SGCD: variants seen among roughly 807,000 people sequenced by gnomAD.
The protein encoded by SGCD is delta-sarcoglycan.
In SGCD, 18 loss-of-function variants were observed where a neutral mutation model predicts 36.6. The observed-to-expected ratio is 0.49, with a 90% CI of 0.34 to 0.73. The LOEUF is 0.73. Ranked by LOEUF, SGCD falls within the 30% of genes least tolerant of loss-of-function variation. SGCD has a pLI of 0.01. For synonymous variants in SGCD, 133 were observed against 130.6 expected (o/e 1.02, Z -0.12); for missense variants, 387 against 346.7 (o/e 1.12, Z -0.92).
At chr5:156,560,126 GT>G (rs1759209266) in intron 4 of SGCD, among the ~76,000 whole-genome samples, 1 of 152,110 alleles carries the variant, frequency 6.6e-6, no homozygotes, top group Non-Finnish European at 1.5e-5. Flanking sequence ...TGTCAGTTTT[GT>G]TTCATCACCT....
chr5:156,315,301 A>T (rs762775809), intron 3 of SGCD, among the ~76,000 whole-genome samples: 1 of 151,442 alleles, frequency 6.6e-6, no homozygotes, highest in Non-Finnish European at 1.5e-5. Flanking sequence ...AAGTAGAATC[A>T]TGCAGTATTT....
At chr5:155,975,339 T>A (rs1030909955) in intron 1 of SGCD, among the ~76,000 whole-genome samples, 1 of 152,054 alleles carries the variant, frequency 6.6e-6, no homozygotes, top group South Asian at 2.1e-4. Context: ...CCAGGAGACA[T>A]TTGGCAGTAT....
chr5:156,106,613 T>A (rs1284636353), intron 1 of SGCD, among the ~76,000 whole-genome samples: 2 of 152,200 alleles, frequency 1.3e-5, no homozygotes, highest in African/African-American at 4.8e-5. Context: ...AATACTGATA[T>A]GTAATTAACC....
intron 3 of SGCD, among the ~76,000 whole-genome samples, chr5:156,251,164 T>C (rs1227564326): frequency 6.6e-6 from 1 of 152,226 alleles, no homozygotes; most frequent in Non-Finnish European, 1.5e-5. Context: ...ACCACATTTC[T>C]TTTTTGTGTA....
chr5:156,723,662 G>A lies in SGCD; in HGVS notation c.576-33919G>A, dbSNP rs139710984. Among the ~76,000 whole-genome samples the A allele has an allele frequency of 6.4e-3, 970 of 152,314 alleles. 5 individuals carry two copies. The highest frequency in any genetic ancestry group is 0.011 in the Non-Finnish European group (766 of 68,028). On this transcript the variant is annotated intron_variant, in intron 7 of 8. Transcript: ENST00000337851. ...CCTGAGGGGGTGATGCTTGACTTGC[G>A]CTCTTGAGGATGAGCAGGAGAAGGA...
chr5:156,471,425 T>G (rs1055050297), intron 3 of SGCD, among the ~76,000 whole-genome samples: 16 of 152,268 alleles, frequency 1.1e-4, no homozygotes, highest in Non-Finnish European at 2.2e-4. Flanking sequence ...ATAGGTATGA[T>G]GTTGGCAAAA....
At chr5:156,046,019 T>C (rs1759756120) in intron 1 of SGCD, among the ~76,000 whole-genome samples, 1 of 152,184 alleles carries the variant, frequency 6.6e-6, no homozygotes. Context: ...CCAATCCATG[T>C]AATTGTTTAC....
At position 156,529,863 on chromosome 5, in the gene SGCD, G is replaced by A. The variant is rs577766222; in HGVS notation, c.294+21161G>A. ...AATGGCAGTGGCCTAAATTATGACT[G>A]TGGGACTTTGCATTTCCATGAATGA... On this transcript the variant is annotated intron_variant, in intron 4 of 8. Coordinates refer to ENST00000337851, the MANE Select transcript of SGCD (RefSeq NM_000337.6). Among the ~76,000 whole-genome samples the A allele has an allele frequency of 1.4e-4, 22 of 152,350 alleles. No individual in the cohort carries two copies. The South Asian group carries it at 3.5e-3, about 24-fold the overall frequency.
At position 156,750,584 on chromosome 5, in the gene SGCD, T is replaced by C. The variant is rs12109046; in HGVS notation, c.576-6997T>C. Among the ~76,000 whole-genome samples the C allele has an allele frequency of 1.7e-3, 255 of 150,766 alleles. 1 individual carries two copies. Among genetic ancestry groups the C allele is most frequent in the African/African-American group, 5.9e-3 (242 of 40,978 alleles). ...TCCCAGCTACTTGGGAGGCTGAGGC[T>C]GTAGTAAGCCAAGATTGCGCCACCG... On this transcript the variant is annotated intron_variant, in intron 7 of 8. Coordinates refer to ENST00000337851, the MANE Select transcript of SGCD (RefSeq NM_000337.6).
At chr5:156,075,283 A>G (rs1188300721) in intron 1 of SGCD, among the ~76,000 whole-genome samples, 2 of 152,230 alleles carry the variant, frequency 1.3e-5, no homozygotes, top group Non-Finnish European at 2.9e-5. Flanking sequence ...AAGGTGAAAT[A>G]CATAGCATAT....
At chr5:156,552,672 G>C (rs994888605) in intron 4 of SGCD, among the ~76,000 whole-genome samples, 3 of 152,092 alleles carry the variant, frequency 2.0e-5, no homozygotes, top group Non-Finnish European at 4.4e-5. Flanking sequence ...TGCAGTCATT[G>C]TAGGATACCA....
chr5:156,179,053 T>A (rs1305296663), intron 3 of SGCD, among the ~76,000 whole-genome samples: 1 of 152,206 alleles, frequency 6.6e-6, no homozygotes, highest in African/African-American at 2.4e-5. Flanking sequence ...GAAAAATGAC[T>A]GTTGACATGT....
chr5:156,701,071 T>TC (rs1274342439), intron 7 of SGCD, among the ~76,000 whole-genome samples: 2 of 152,026 alleles, frequency 1.3e-5, no homozygotes, highest in East Asian at 3.9e-4. Context: ...TTAAATACCA[T>TC]CCCTCTGCTG....
rs1481162378 is a variant in SGCD at position 156,760,336 on chromosome 5, C to G, written c.*946C>G. On this transcript the variant is annotated 3_prime_UTR_variant, in exon 9 of 9. Transcript: ENST00000337851. ...AATCAAAATCCCTAAGAGCAGAACT[C>G]CTACCCCAAAAGAAGCCTGGAAGTC... 1 of 152,166 alleles carries G rather than the reference C, an allele frequency of 6.6e-6. No homozygotes were observed. The highest frequency in any genetic ancestry group is 1.5e-5 in the Non-Finnish European group (1 of 68,034). 9.4% of individuals were successfully genotyped at this position (152,166 alleles called of 1,614,324 possible).
At chr5:155,990,099 G>C (rs1758402724) in intron 1 of SGCD, among the ~76,000 whole-genome samples, 1 of 152,184 alleles carries the variant, frequency 6.6e-6, no homozygotes, top group African/African-American at 2.4e-5. Flanking sequence ...ACTGCTGTCA[G>C]AGCCAGCATT....
At chr5:156,309,842 C>T (rs1031747129) in intron 3 of SGCD, among the ~76,000 whole-genome samples, 3 of 151,962 alleles carry the variant, frequency 2.0e-5, no homozygotes, top group Non-Finnish European at 4.4e-5. Flanking sequence ...GTAGATCTGC[C>T]ATCAGGTCTT....
intron 1 of SGCD, among the ~76,000 whole-genome samples, chr5:156,010,089 C>CT (rs1229627466): frequency 1.3e-5 from 2 of 152,082 alleles, no homozygotes; most frequent in Admixed American, 6.6e-5. Context: ...ATTATAGACT[C>CT]TAAGAGATTT....
intron 1 of SGCD, among the ~76,000 whole-genome samples, chr5:155,989,562 CTG>C (rs1281914500): frequency 6.6e-6 from 1 of 152,030 alleles, no homozygotes; most frequent in African/African-American, 2.4e-5. Flanking sequence ...CAATCAAAGA[CTG>C]TGGATTTGAG....
chr5:156,578,290 C>T (rs181358161), intron 4 of SGCD, among the ~76,000 whole-genome samples: 167 of 152,206 alleles, frequency 1.1e-3, no homozygotes, highest in African/African-American at 3.6e-3. Flanking sequence ...ATAAGCTTTT[C>T]GATGTGCTGC....
Sources: gnomAD v4.1 joint callset for allele counts (sites outside exome capture counted in the v4.1 genomes callset) on GRCh38, gnomAD v4.1.1 for gene constraint, MANE v1.5 for transcripts, NCBI Gene and HGNC (gene_info 2026-07-23, HGNC 2026-07-21) for gene names.